GLB1: variants seen among roughly 807,000 people sequenced by gnomAD.
The protein encoded by GLB1 is galactosidase beta 1.
A neutral mutation model predicts 74.0 loss-of-function variants in GLB1; 56 were observed. The observed-to-expected ratio is 0.76, with a 90% CI of 0.61 to 0.94. The LOEUF is 0.94. GLB1 is among the 40% of genes least tolerant of loss of function. The probability of loss-of-function intolerance (pLI) is 0.00; values close to 1 mark genes in which losing one functional copy is unlikely to be tolerated. For missense variants in GLB1, 787 were observed against 845.5 expected (o/e 0.93, Z 0.86); for synonymous variants, 323 against 323.6 (o/e 1.00, Z 0.02).
chr3:33,092,369 A>G (rs1392301800), intron 1 of GLB1: 1 of 988,716 alleles, frequency 1.0e-6, no homozygotes, highest in Admixed American at 5.9e-5. Context: ...ACCTGGCAAC[A>G]CTACCCCTTC....
intron 7 of GLB1, among the ~76,000 whole-genome samples, chr3:33,053,083 A>C (rs1295258893): frequency 6.6e-6 from 1 of 152,184 alleles, no homozygotes; most frequent in Non-Finnish European, 1.5e-5. Context: ...TAGATTGTTG[A>C]CACCCACCTG....
At chr3:33,051,701 A>G (rs773982177) in intron 9 of GLB1, 57 bp downstream of exon 9, 10 of 1,613,682 alleles carry the variant, frequency 6.2e-6, no homozygotes, top group Non-Finnish European at 8.5e-6. Context: ...CCCCTCCTCA[A>G]ATTAATCAAC....
intron 15 of GLB1, among the ~76,000 whole-genome samples, chr3:33,008,582 A>T (rs936370556): frequency 6.6e-6 from 1 of 152,110 alleles, no homozygotes; most frequent in African/African-American, 2.4e-5. Flanking sequence ...TGAAAAGGCC[A>T]GTGGGGGAAA....
chr3:32,979,251 C>T, the GLB1 span, among the ~76,000 whole-genome samples: 1 of 152,064 alleles, frequency 6.6e-6, no homozygotes, highest in Admixed American at 6.6e-5. Context: ...GCTGGGATTA[C>T]AGTCACATTC....
the GLB1 span, among the ~76,000 whole-genome samples, chr3:32,962,294 C>T: frequency 6.6e-6 from 1 of 151,852 alleles, no homozygotes. Context: ...ATTAGCTAAA[C>T]ATTAAGGAAA....
chr3:33,032,967 G>A (rs529482424), intron 10 of GLB1, among the ~76,000 whole-genome samples: 1 of 152,168 alleles, frequency 6.6e-6, no homozygotes. Context: ...TCCTTTGGGA[G>A]GTTTTACAGG....
Position 33,092,691 on chromosome 3 carries a change from CTGTT to C in GLB1, c.75+4316_75+4319del, listed in dbSNP as rs1700815479. On this transcript the variant is annotated intron_variant, in intron 1 of 15. Transcript: ENST00000307363. ...TGCCAGGCAGGCCCACCATAAGTCA[CTGTT>C]TGAGTCAGGCTTGTGACCAAGGGTG... 3.5e-6 allele frequency: 5 copies of C among 1,433,376 alleles called. No individual in the cohort carries two copies. In the East Asian group the frequency reaches 7.2e-5, roughly 21 times the overall value. 88.8% of individuals were successfully genotyped at this position (1,433,376 alleles called of 1,614,324 possible).
At chr3:33,024,348 AG>A in intron 10 of GLB1, 23 bp from the exon 11 acceptor site, 1 of 1,603,458 alleles carries the variant, frequency 6.2e-7, no homozygotes, top group Non-Finnish European at 8.5e-7. Context: ...GTAGAAAAAG[AG>A]AGAAAAGAAA....
chr3:32,981,415 A>G, the GLB1 span, among the ~76,000 whole-genome samples: 545 of 144,592 alleles, frequency 3.8e-3, 6 homozygotes, highest in African/African-American at 0.013. Context: ...AAAAAAAAAA[A>G]AGAAAAAGAA....
intron 4 of GLB1, among the ~76,000 whole-genome samples, 200 bp downstream of exon 4, chr3:33,068,030 C>T (rs1018483034): frequency 6.6e-6 from 1 of 152,104 alleles, no homozygotes; most frequent in African/African-American, 2.4e-5. Flanking sequence ...GGATTACAGG[C>T]GCCCACCACC....
chr3:33,084,163 T>A (rs2125571407), intron 1 of GLB1, among the ~76,000 whole-genome samples: 1 of 152,162 alleles, frequency 6.6e-6, no homozygotes, highest in East Asian at 1.9e-4. Context: ...GCTGTTCAGC[T>A]CCAGGATGCC....
At chr3:33,015,974 T>A (rs141067078) in intron 14 of GLB1, among the ~76,000 whole-genome samples, 2 of 152,212 alleles carry the variant, frequency 1.3e-5, no homozygotes, top group East Asian at 3.9e-4. Context: ...AGTGGGAGCT[T>A]AACAAATGCT....
the GLB1 span, among the ~76,000 whole-genome samples, chr3:32,990,588 C>T: frequency 6.6e-6 from 1 of 152,204 alleles, no homozygotes; most frequent in African/African-American, 2.4e-5. Context: ...CTTGGGGACT[C>T]CTCACTGGGC....
the GLB1 span, among the ~76,000 whole-genome samples, chr3:32,973,436 C>T: frequency 2.0e-5 from 3 of 152,190 alleles, no homozygotes; most frequent in African/African-American, 7.2e-5. Flanking sequence ...TGGGTTCAAG[C>T]AATTCTCATG....
chr3:33,005,688 G>A (rs1391029235), intron 15 of GLB1, among the ~76,000 whole-genome samples: 1 of 152,110 alleles, frequency 6.6e-6, no homozygotes, highest in African/African-American at 2.4e-5. Context: ...TAGAGATGAG[G>A]TCTTATTAAG....
chr3:33,096,647 G>A (rs940654827), intron 1 of GLB1: 122 of 1,093,928 alleles, frequency 1.1e-4, no homozygotes, highest in Non-Finnish European at 1.3e-4. Flanking sequence ...AACCAGAGCC[G>A]GAGGCACCCT....
intron 15 of GLB1, among the ~76,000 whole-genome samples, chr3:33,001,218 CTT>C (rs1491204264): frequency 3.3e-5 from 5 of 150,980 alleles, no homozygotes; most frequent in African/African-American, 1.2e-4. Flanking sequence ...TGTCTTCTCT[CTT>C]CTCTCTCTCT....
At chr3:33,024,639 A>C (rs1697655287) in intron 10 of GLB1, among the ~76,000 whole-genome samples, 1 of 152,250 alleles carries the variant, frequency 6.6e-6, no homozygotes, top group Admixed American at 6.5e-5. Flanking sequence ...GGAGGAAAAA[A>C]GGAAACAGGT....
chr3:33,058,303 A>T (rs772203639), intron 5 of GLB1, 34 bp from the exon 6 acceptor site: 1 of 1,613,346 alleles, frequency 6.2e-7, no homozygotes, highest in African/African-American at 1.3e-5. Context: ...AAAAATGAGG[A>T]GATCCTAATG....
Sources: gnomAD v4.1 joint callset for allele counts (sites outside exome capture counted in the v4.1 genomes callset) on GRCh38, gnomAD v4.1.1 for gene constraint, MANE v1.5 for transcripts, NCBI Gene and HGNC (gene_info 2026-07-23, HGNC 2026-07-21) for gene names.